Variants in PRKG1 observed in about 807,000 individuals in gnomAD.
PRKG1 encodes protein kinase cGMP-dependent 1.
A neutral mutation model predicts 88.1 loss-of-function variants in PRKG1; 35 were observed. That is an observed-to-expected ratio of 0.40 (90% confidence interval 0.30 to 0.53). The LOEUF (loss-of-function observed/expected upper bound fraction) is 0.53, where lower values mean the gene tolerates loss of function less well. PRKG1 is among the 20% of genes least tolerant of loss of function. PRKG1 has a pLI of 0.59. For missense variants in PRKG1, 540 were observed against 839.8 expected (o/e 0.64, Z 4.41); for synonymous variants, 303 against 292.5 (o/e 1.04, Z -0.37).
At chr10:51,716,503 G>A (rs1841890312) in intron 3 of PRKG1, among the ~76,000 whole-genome samples, 1 of 152,058 alleles carries the variant, frequency 6.6e-6, no homozygotes, top group Non-Finnish European at 1.5e-5. Context: ...AGTGTTTCCT[G>A]GAAATAAGTT....
intron 2 of PRKG1, among the ~76,000 whole-genome samples, chr10:51,404,075 G>A (rs1837836130): frequency 6.6e-6 from 1 of 152,112 alleles, no homozygotes; most frequent in Admixed American, 6.5e-5. Context: ...AAACATTAGT[G>A]CATAGTGCTG....
chr10:51,334,152 T>TTCTCTCTCTCTCTCTCTCTC (rs10568175), intron 2 of PRKG1, among the ~76,000 whole-genome samples: 50 of 137,182 alleles, frequency 3.6e-4, no homozygotes, highest in East Asian at 1.8e-3. Flanking sequence ...CTCTCTCTCT[T>TTCTCTCTCTCTCTCTCTCTC]TCTCTCTCTC....
intron 1 of PRKG1, among the ~76,000 whole-genome samples, chr10:51,084,611 G>T (rs1011206546): frequency 2.0e-5 from 3 of 152,028 alleles, no homozygotes; most frequent in African/African-American, 7.2e-5. Context: ...TTATGCTTTG[G>T]CTGGGCATAA....
chr10:52,086,624 C>A (rs891363184), intron 7 of PRKG1, among the ~76,000 whole-genome samples: 1 of 151,994 alleles, frequency 6.6e-6, no homozygotes, highest in Non-Finnish European at 1.5e-5. Flanking sequence ...AGGCTAGTCT[C>A]AAACTCCTGA....
At chr10:51,291,859 C>T (rs1840591414) in intron 2 of PRKG1, among the ~76,000 whole-genome samples, 1 of 151,966 alleles carries the variant, frequency 6.6e-6, no homozygotes, top group South Asian at 2.1e-4. Flanking sequence ...GCTTTACTAC[C>T]CCTGACTATA....
chr10:52,276,664 A>G (rs904235941), intron 12 of PRKG1, among the ~76,000 whole-genome samples: 1 of 152,206 alleles, frequency 6.6e-6, no homozygotes, highest in Non-Finnish European at 1.5e-5. Flanking sequence ...CTGTCAAGGC[A>G]TAATTCATTA....
rs112954124 is a variant in PRKG1 at position 52,098,576 on chromosome 10, C to T, written c.936-35264C>T. On this transcript the variant is annotated intron_variant, in intron 7 of 17. Transcript: ENST00000373980. Reference sequence around the variant, plus strand: ...CTGTAATCCCAGCACTTGGGGAGGCCGAGAGAGGTGGATAACGTGAGGTCA... The same window carrying T: ...CTGTAATCCCAGCACTTGGGGAGGCTGAGAGAGGTGGATAACGTGAGGTCA... Among the ~76,000 whole-genome samples, 1,314 of 151,988 alleles carry T rather than the reference C, an allele frequency of 8.6e-3. 10 individuals are homozygous for T. The highest frequency in any genetic ancestry group is 0.03 in the African/African-American group (1,255 of 41,456).
chr10:51,789,863 C>T (rs189605954), intron 3 of PRKG1, among the ~76,000 whole-genome samples: 1 of 151,846 alleles, frequency 6.6e-6, no homozygotes, highest in East Asian at 1.9e-4. Flanking sequence ...GCTTTGTTGC[C>T]CAGGCTGGAG....
chr10:52,019,661 C>T (rs547029005), intron 5 of PRKG1, among the ~76,000 whole-genome samples: 2 of 152,216 alleles, frequency 1.3e-5, no homozygotes, highest in African/African-American at 4.8e-5. Context: ...GCAAATTCAG[C>T]TCCCATGGAA....
intron 1 of PRKG1, among the ~76,000 whole-genome samples, chr10:51,044,416 G>T (rs1468015526): frequency 6.6e-6 from 1 of 152,140 alleles, no homozygotes; most frequent in Non-Finnish European, 1.5e-5. Context: ...GGAAGGGAAG[G>T]GGGAAAGTGA....
intron 2 of PRKG1, among the ~76,000 whole-genome samples, chr10:51,179,218 T>C (rs891938050): frequency 6.6e-6 from 1 of 152,216 alleles, no homozygotes; most frequent in African/African-American, 2.4e-5. Context: ...GTAAATTCTT[T>C]GGACTCTGTA....
At chr10:51,888,039 T>C (rs1051042672) in intron 4 of PRKG1, among the ~76,000 whole-genome samples, 26 of 152,326 alleles carry the variant, frequency 1.7e-4, no homozygotes, top group African/African-American at 6.0e-4. Flanking sequence ...ATTTTCTTAC[T>C]GCAAAGCAAA....
At chr10:51,115,150 C>T (rs1251926903) in intron 1 of PRKG1, among the ~76,000 whole-genome samples, 1 of 149,886 alleles carries the variant, frequency 6.7e-6, no homozygotes, top group South Asian at 2.2e-4. Flanking sequence ...CCCATCTCTA[C>T]TGAAAATACA....
chr10:51,024,409 G>A (rs1843174493), intron 1 of PRKG1, among the ~76,000 whole-genome samples: 1 of 152,084 alleles, frequency 6.6e-6, no homozygotes, highest in African/African-American at 2.4e-5. Context: ...CATAATGATA[G>A]TAGTCATGTT....
At chr10:51,032,784 G>T (rs1006864870) in intron 1 of PRKG1, among the ~76,000 whole-genome samples, 2 of 151,838 alleles carry the variant, frequency 1.3e-5, no homozygotes, top group Non-Finnish European at 2.9e-5. Context: ...TATTATTTTG[G>T]GGTATGTGTA....
intron 3 of PRKG1, among the ~76,000 whole-genome samples, chr10:51,550,067 C>T (rs940357519): frequency 6.6e-5 from 10 of 152,084 alleles, no homozygotes; most frequent in Non-Finnish European, 1.5e-5. Context: ...ACTCAATTCC[C>T]TTCCTGTGTA....
chr10:52,195,948 G>A (rs550796394), intron 9 of PRKG1, among the ~76,000 whole-genome samples: 141 of 152,218 alleles, frequency 9.3e-4, no homozygotes, highest in African/African-American at 3.3e-3. Flanking sequence ...CTGAAAAAAT[G>A]GAAATTGATC....
At chr10:51,513,066 T>C (rs1841464958) in intron 3 of PRKG1, among the ~76,000 whole-genome samples, 3 of 151,692 alleles carry the variant, frequency 2.0e-5, no homozygotes. Context: ...TGTAAATTTG[T>C]TTGAGTTCAT....
chr10:51,204,727 A>T (rs1179170626), intron 2 of PRKG1, among the ~76,000 whole-genome samples: 1 of 152,210 alleles, frequency 6.6e-6, no homozygotes, highest in Non-Finnish European at 1.5e-5. Flanking sequence ...GAACTTTATT[A>T]TGTGGCAAAA....
Sources: allele counts gnomAD v4.1 joint callset (sites outside exome capture counted in the v4.1 genomes callset), GRCh38; gene constraint gnomAD v4.1.1; transcripts MANE v1.5; gene names NCBI Gene and HGNC (gene_info 2026-07-23, HGNC 2026-07-21).